The following NOS1 variants were observed in gnomAD, a reference collection of about 807,000 sequenced individuals.
NOS1 encodes the protein nitric oxide synthase 1, also known as NOS type I.
In NOS1, 51 loss-of-function variants were observed where a neutral mutation model predicts 164.5. The observed-to-expected ratio is 0.31, with a 90% CI of 0.25 to 0.39. The LOEUF (loss-of-function observed/expected upper bound fraction) is 0.39, where lower values mean the gene tolerates loss of function less well. Among genes scored for constraint, NOS1 ranks in the 10% least tolerant of loss-of-function variants. The pLI is 1.00. For missense variants in NOS1, 1,362 were observed against 1,885.6 expected (o/e 0.72, Z 5.14); for synonymous variants, 719 against 745.8 (o/e 0.96, Z 0.59).
In NOS1 at chr12:117,211,424, G is replaced by C. The variant is rs1376118542; in HGVS notation, c.*3885C>G. 5.1e-6 allele frequency: 5 copies of C among 985,424 alleles called. No individual in the cohort carries two copies. Among genetic ancestry groups the C allele is most frequent in the East Asian group, 1.1e-4 (1 of 8,812 alleles). 61.0% of individuals were successfully genotyped at this position (985,424 alleles called of 1,614,324 possible). ...CCAACAGCTCAACGGGCCATGCTCT[G>C]TACTGTGGCCAGAACTTTCTTTTCC... On this transcript the variant is annotated 3_prime_UTR_variant, in exon 29 of 29. Coordinates refer to ENST00000317775, the MANE Select transcript of NOS1 (RefSeq NM_000620.5).
chr12:117,340,437 T>A (rs1195610014), intron 1 of NOS1, among the ~76,000 whole-genome samples: 1 of 152,244 alleles, frequency 6.6e-6, no homozygotes, highest in Non-Finnish European at 1.5e-5. Context: ...GAGTCATAGT[T>A]TCTGCATCTA....
At chr12:117,348,017 A>ATTTTTTTT (rs5801226) in intron 1 of NOS1, 1 of 101,878 alleles carries the variant, frequency 9.8e-6, no homozygotes, top group Non-Finnish European at 1.9e-5. Flanking sequence ...GATCCCCTAC[A>ATTTTTTTT]TTTTTTTTTT....
At chr12:117,250,836 G>A (rs1351858267) in intron 17 of NOS1, among the ~76,000 whole-genome samples, 1 of 152,138 alleles carries the variant, frequency 6.6e-6, no homozygotes, top group Non-Finnish European at 1.5e-5. Flanking sequence ...CATGCCTTCT[G>A]GTTAAGGTGT....
intron 20 of NOS1, among the ~76,000 whole-genome samples, chr12:117,235,101 A>G (rs1208040413): frequency 6.6e-6 from 1 of 151,780 alleles, no homozygotes; most frequent in East Asian, 1.9e-4. Context: ...AATTTTTTGT[A>G]CAGATGGAAT....
In NOS1 at chr12:117,253,083, G is replaced by T. The variant is rs142425833; in HGVS notation, c.2648+555C>A. Among the ~76,000 whole-genome samples the T allele has an allele frequency of 1.3e-3, 204 of 152,342 alleles. 1 individual carries two copies. The highest frequency in any genetic ancestry group is 4.7e-3 in the African/African-American group (194 of 41,574). ...CATGAGATAATGTGAGGTTAGGGCA[G>T]TATTTGTCAAATCTGACTGCACGTT... On this transcript the variant is annotated intron_variant, in intron 17 of 28. Transcript: ENST00000317775.
chr12:117,266,787 C>T (rs1872455610), intron 11 of NOS1, among the ~76,000 whole-genome samples: 1 of 152,158 alleles, frequency 6.6e-6, no homozygotes, highest in Non-Finnish European at 1.5e-5. Flanking sequence ...ATCCACCCTC[C>T]TCGACCTCCC....
intron 4 of NOS1, 118 bp downstream of exon 4, chr12:117,290,180 G>T: frequency 8.1e-7 from 1 of 1,237,136 alleles, no homozygotes; most frequent in Non-Finnish European, 1.1e-6. Flanking sequence ...ATGGGTCAGG[G>T]GTGGTGCTCA....
chr12:117,232,933 T>C (rs1869374889), intron 21 of NOS1, among the ~76,000 whole-genome samples: 1 of 151,760 alleles, frequency 6.6e-6, no homozygotes, highest in Non-Finnish European at 1.5e-5. Context: ...AGTGGTGCGA[T>C]CACAACTCAC....
At position 117,330,328 on chromosome 12, in the gene NOS1, A is replaced by ACACC. The variant is rs369055988; in HGVS notation, c.725+16_725+17insGGTG. 4.0e-4 allele frequency: 633 copies of ACACC among 1,594,692 alleles called. 1 individual carries two copies. The highest frequency in any genetic ancestry group is 2.7e-3 in the Middle Eastern group (16 of 5,960). ...CACACACACACACACACACACACAC[A>ACACC]CCCCTGTGGAGCTTACCTGTCCACC... is the stretch of plus-strand genomic sequence containing the variant. On this transcript the variant is annotated intron_variant, in intron 2 of 28. Coordinates refer to ENST00000317775, the MANE Select transcript of NOS1 (RefSeq NM_000620.5). The surrounding 1 kb of genome is among the most constrained non-coding windows in gnomAD (Gnocchi z 4.6).
At chr12:117,359,318 G>A (rs1877007267) in intron 1 of NOS1, among the ~76,000 whole-genome samples, 1 of 152,246 alleles carries the variant, frequency 6.6e-6, no homozygotes, top group Non-Finnish European at 1.5e-5. Context: ...CTGCGCACTT[G>A]GGGAGCTGCC....
chr12:117,331,401 T>G lies in NOS1; in HGVS notation c.-332A>C, dbSNP rs1875540232. 3.1e-6 allele frequency: 1 copy of G among 325,854 alleles called. No homozygotes were observed. Among genetic ancestry groups the G allele is most frequent in the Admixed American group, 4.3e-5 (1 of 23,516 alleles). The allele number at this position is 325,854 out of a possible 1,614,324, so 20.2% of individuals were successfully genotyped here. On this transcript the variant is annotated 5_prime_UTR_variant, in exon 2 of 29. It removes the in-frame stop codon of an upstream open reading frame in the 5' UTR. Transcript: ENST00000317775. ...AGGAGATGCGTCTGATGGCTGTGTC[T>G]AGAAGTGACGCATGATAGATGTGAA... is the stretch of plus-strand genomic sequence containing the variant.
rs34375182 is a variant in NOS1, at chr12:117,227,525, C to T, written c.3522G>A (p.Leu1174=). 17,878 of 1,612,798 alleles carry T rather than the reference C, an allele frequency of 0.011. 151 individuals are homozygous for T. The highest frequency in any genetic ancestry group is 0.014 in the Non-Finnish European group (16,289 of 1,179,326). The change falls in exon 23 of 29, where the codon CTG becomes CTA. Residue 1174 remains leucine, a synonymous_variant. Transcript: ENST00000317775. ...PATLLLTQLS[L]LQPRYYSISS... ...TGATGGAATAGTAGCGGGGCTGCAG[C>T]AGGGACAGCTGGGTCAGGAGCAGGG...
chr12:117,285,564 G>C (rs866766060), intron 6 of NOS1, among the ~76,000 whole-genome samples: 2 of 150,768 alleles, frequency 1.3e-5, no homozygotes, highest in Non-Finnish European at 2.9e-5. Flanking sequence ...AAGTAGGCAC[G>C]GCATGAAAGT....
At chr12:117,282,709 C>T (rs182440179) in intron 7 of NOS1, among the ~76,000 whole-genome samples, 14 of 152,286 alleles carry the variant, frequency 9.2e-5, no homozygotes, top group South Asian at 8.3e-4. Context: ...TTAACAGAGG[C>T]GCCATCTTGG....
Position 117,213,217 on chromosome 12 carries a change from C to T in NOS1, c.*2092G>A. 6.1e-6 allele frequency: 6 copies of T among 985,452 alleles called. No homozygotes were observed. Among genetic ancestry groups the T allele is most frequent in the Non-Finnish European group, 7.2e-6 (6 of 829,954 alleles). 61.0% of individuals were successfully genotyped at this position (985,452 alleles called of 1,614,324 possible). ...TGTCTTTAATGGGGATTGGACACAA[C>T]AGTTTCCTTCCCTGGGGAATTGGGG... On this transcript the variant is annotated 3_prime_UTR_variant, in exon 29 of 29. Coordinates refer to ENST00000317775, the MANE Select transcript of NOS1 (RefSeq NM_000620.5).
rs1030620420 is a variant in NOS1 at position 117,330,544 on chromosome 12, T to G, written c.526A>C (p.Asn176His). The G allele has an allele frequency of 1.9e-6, 3 of 1,613,686 alleles. No individual in the cohort carries two copies. The highest frequency in any genetic ancestry group is 2.5e-6 in the Non-Finnish European group (3 of 1,180,010). Reference sequence around the variant, plus strand: ...CCTGGGGGCCTGGGGGCCAGGCCGTTGGCATGGGGGAGTGAGCCAGCCTCC... The same window carrying G: ...CCTGGGGGCCTGGGGGCCAGGCCGTGGGCATGGGGGAGTGAGCCAGCCTCC... ...GQEAGSLPHA[N>H]GLAPRPPGQD... The change falls in exon 2 of 29, where the codon AAC (asparagine) becomes CAC (histidine). Residue 176 changes from asparagine (N) to histidine (H), a missense_variant. Asn to His is a moderately conservative substitution (Grantham distance 68). Around this residue, in one of 4 missense-constraint regions of NOS1, gnomAD observed 362 missense variants for 402.0 expected, o/e 0.90. Coordinates refer to ENST00000317775, the MANE Select transcript of NOS1 (RefSeq NM_000620.5). This position sits in a 1 kb window ranked among gnomAD's most constrained non-coding sequence, Gnocchi z 4.6.
At chr12:117,295,817 C>T (rs950035712) in intron 3 of NOS1, among the ~76,000 whole-genome samples, 2 of 150,198 alleles carry the variant, frequency 1.3e-5, no homozygotes, top group South Asian at 2.1e-4. Context: ...TTAGTAGAGA[C>T]GAGGTTTCAC....
chr12:117,286,215 G>T lies in NOS1; in HGVS notation c.1179C>A (p.Ile393=). The T allele has an allele frequency of 6.2e-7, 1 of 1,614,168 alleles. No individual in the cohort carries two copies. The highest frequency in any genetic ancestry group is 8.5e-7 in the Non-Finnish European group (1 of 1,180,030). Residue 393 remains isoleucine, a synonymous_variant, in exon 6 of 29, where the codon ATC becomes ATA. Coordinates refer to ENST00000317775, the MANE Select transcript of NOS1 (RefSeq NM_000620.5). ...TGAGCTGGTAAGTGCTAGTGGTGTC[G>T]ATCTCTTTGTTCACCTCTTCCAGCC... ...MERLEEVNKE[I]DTTSTYQLKD...
intron 8 of NOS1, among the ~76,000 whole-genome samples, chr12:117,278,632 T>C (rs1873371110): frequency 6.6e-6 from 1 of 151,738 alleles, no homozygotes; most frequent in South Asian, 2.1e-4. Flanking sequence ...CCAATAAAAA[T>C]ATAATGCAAG....
Sources: gnomAD v4.1 joint callset for allele counts (sites outside exome capture counted in the v4.1 genomes callset) on GRCh38, gnomAD v4.1.1 for gene constraint, gnomAD v4.1.1 regional missense constraint, Gnocchi (gnomAD v3.1) non-coding constraint, MANE v1.5 for transcripts, NCBI Gene and HGNC (gene_info 2026-07-23, HGNC 2026-07-21) for gene names.